Variants in SYNJ1 observed in about 807,000 individuals in gnomAD.
SYNJ1 encodes the protein synaptojanin 1.
SYNJ1 carries 78 observed loss-of-function variants against 168.2 expected under a neutral mutation model. The observed-to-expected ratio is 0.46, with a 90% CI of 0.39 to 0.56. The LOEUF (loss-of-function observed/expected upper bound fraction) is 0.56, where lower values mean the gene tolerates loss of function less well. Ranked by LOEUF, SYNJ1 falls within the 20% of genes least tolerant of loss-of-function variation. The pLI, the probability that SYNJ1 is intolerant of heterozygous loss-of-function variation, is 0.00. For missense variants in SYNJ1, 1,303 were observed against 1,597.6 expected, an observed-to-expected ratio of 0.82 and a Z score of 3.14; for synonymous variants, 539 against 548.6, an observed-to-expected ratio of 0.98 and a Z score of 0.24.
chr21:32,700,221 G>A, intron 3 of SYNJ1, 116 bp from the exon 4 acceptor site: 1 of 1,212,312 alleles, frequency 8.2e-7, no homozygotes. Flanking sequence ...AACTTATCAT[G>A]GATGTGTTGA....
At chr21:32,689,621 AG>A (rs909255257) in intron 6 of SYNJ1, among the ~76,000 whole-genome samples, 1 of 152,222 alleles carries the variant, frequency 6.6e-6, no homozygotes. Flanking sequence ...AGGGTGTAAA[AG>A]GGGGGTTGTC....
chr21:32,684,724 C>T (rs1036153042), intron 9 of SYNJ1, among the ~76,000 whole-genome samples: 14 of 152,112 alleles, frequency 9.2e-5, no homozygotes, highest in Middle Eastern at 3.4e-3. Context: ...AATATTAAAA[C>T]GTAAGTTTTA....
At chr21:32,637,581 G>C (rs2039634389) in intron 31 of SYNJ1, among the ~76,000 whole-genome samples, 1 of 151,538 alleles carries the variant, frequency 6.6e-6, no homozygotes, top group African/African-American at 2.4e-5. Flanking sequence ...GGTAATTTTT[G>C]TATTTTTACA....
At chr21:32,643,568 T>C (rs1322234526) in intron 26 of SYNJ1, 111 bp from the exon 27 acceptor site, 20 of 1,066,084 alleles carry the variant, frequency 1.9e-5, no homozygotes, top group Non-Finnish European at 2.8e-5. Flanking sequence ...AAAAAGGCTC[T>C]TTTATTGCTT....
chr21:32,660,961 C>T (rs900379830), intron 18 of SYNJ1, among the ~76,000 whole-genome samples: 1 of 152,198 alleles, frequency 6.6e-6, no homozygotes, highest in Non-Finnish European at 1.5e-5. Context: ...CTCAGAAGCT[C>T]GAAAAGCAGC....
intron 7 of SYNJ1, among the ~76,000 whole-genome samples, chr21:32,687,651 C>G (rs2041879944): frequency 6.6e-6 from 1 of 152,162 alleles, no homozygotes; most frequent in Non-Finnish European, 1.5e-5. Flanking sequence ...TTCTTTAACT[C>G]AACATGTCTA....
chr21:32,680,529 G>A (rs970983132), intron 11 of SYNJ1, among the ~76,000 whole-genome samples: 3 of 151,786 alleles, frequency 2.0e-5, no homozygotes, highest in Non-Finnish European at 2.9e-5. Context: ...CCTCAATAAG[G>A]GACAAATACT....
chr21:32,704,484 G>T (rs1290344078), intron 2 of SYNJ1, among the ~76,000 whole-genome samples: 3 of 152,154 alleles, frequency 2.0e-5, no homozygotes, highest in Non-Finnish European at 4.4e-5. Flanking sequence ...CCCAGTAATG[G>T]CCACTAGGAG....
chr21:32,714,391 C>T (rs984689664), intron 2 of SYNJ1, among the ~76,000 whole-genome samples: 2 of 151,830 alleles, frequency 1.3e-5, no homozygotes, highest in African/African-American at 2.4e-5. Context: ...GGGGTGTAGG[C>T]GTGGTAAGTA....
intron 12 of SYNJ1, among the ~76,000 whole-genome samples, chr21:32,676,810 G>C (rs1384269090): frequency 1.3e-5 from 2 of 152,142 alleles, no homozygotes; most frequent in Non-Finnish European, 1.5e-5. Flanking sequence ...CAAGAAAAAT[G>C]CATTCTAAAA....
chr21:32,705,341 C>G (rs923742820), intron 2 of SYNJ1, among the ~76,000 whole-genome samples: 1 of 152,134 alleles, frequency 6.6e-6, no homozygotes. Flanking sequence ...CATACTTTGG[C>G]TTCTACATAC....
At chr21:32,692,477 G>C (rs2042061062) in intron 6 of SYNJ1, among the ~76,000 whole-genome samples, 1 of 152,160 alleles carries the variant, frequency 6.6e-6, no homozygotes, top group Non-Finnish European at 1.5e-5. Context: ...TCGGGAGGCT[G>C]AGGTAGGAGA....
chr21:32,697,572 G>GGGGGATCACTTGAGGTCAGGAGTT (rs1454667927), intron 4 of SYNJ1, among the ~76,000 whole-genome samples: 59 of 152,154 alleles, frequency 3.9e-4, no homozygotes, highest in Admixed American at 1.3e-3. Flanking sequence ...GCTAAGGTGG[G>GGGGGATCACTTGAGGTCAGGAGTT]GGGGATCACT....
intron 2 of SYNJ1, among the ~76,000 whole-genome samples, chr21:32,706,806 A>C (rs562213607): frequency 1.3e-5 from 2 of 152,232 alleles, no homozygotes; most frequent in South Asian, 4.1e-4. Context: ...AACCTAATTA[A>C]ATTTCTGCCC....
At chr21:32,653,984 A>C (rs1023793271) in intron 21 of SYNJ1, 5 of 152,190 alleles carry the variant, frequency 3.3e-5, no homozygotes, top group Non-Finnish European at 7.3e-5. Flanking sequence ...AAAAACTATC[A>C]AGAGGAAAAA....
intron 2 of SYNJ1, among the ~76,000 whole-genome samples, chr21:32,714,436 T>C (rs1014359192): frequency 2.4e-4 from 36 of 152,130 alleles, no homozygotes; most frequent in African/African-American, 8.0e-4. Flanking sequence ...GGAATTGTAA[T>C]GATCCATGAA....
In SYNJ1 at chr21:32,631,336, A is replaced by G. The variant is rs753264526; in HGVS notation, c.*469T>C. ...CCCTGTAGATCAAAACTGTCCTTAA[A>G]GCCATCAAGTGAAGATGAAGCCCTG... On this transcript the variant is annotated 3_prime_UTR_variant, in exon 33 of 33. Coordinates refer to ENST00000674351, the MANE Select transcript of SYNJ1 (RefSeq NM_203446.3). 8 of 1,614,226 alleles carry G rather than the reference A, an allele frequency of 5.0e-6. No individual in the cohort carries two copies. The East Asian group carries it at 1.3e-4, about 27-fold the overall frequency.
At chr21:32,728,258 G>A (rs1233041425), upstream of SYNJ1, 3 of 556,204 alleles carry the variant, frequency 5.4e-6, no homozygotes, top group East Asian at 6.9e-5. Flanking sequence ...TGGCCTCCTT[G>A]GTCCTTTTGC....
chr21:32,684,013 C>G (rs2041729954), intron 10 of SYNJ1, 25 bp downstream of exon 10: 1 of 1,599,092 alleles, frequency 6.3e-7, no homozygotes. Flanking sequence ...ATACAAGGCA[C>G]ATACATTTTA....
Sources: allele counts gnomAD v4.1 joint callset (sites outside exome capture counted in the v4.1 genomes callset), GRCh38; gene constraint gnomAD v4.1.1; transcripts MANE v1.5; gene names NCBI Gene and HGNC (gene_info 2026-07-23, HGNC 2026-07-21).